Variants in DBNDD2 observed in about 807,000 individuals in gnomAD.
DBNDD2 encodes dysbindin domain containing 2.
In DBNDD2, 8 loss-of-function variants were observed where a neutral mutation model predicts 14.0. The observed-to-expected ratio is 0.57, with a 90% CI of 0.33 to 1.03. The LOEUF (loss-of-function observed/expected upper bound fraction) is 1.03. Ranked by LOEUF, DBNDD2 falls within the 50% of genes least tolerant of loss-of-function variation. The probability of loss-of-function intolerance (pLI) is 0.03; values close to 1 mark genes in which losing one functional copy is unlikely to be tolerated. For synonymous variants in DBNDD2, 94 were observed against 85.3 expected (o/e 1.10, Z -0.56); for missense variants, 194 against 206.0 (o/e 0.94, Z 0.36).
upstream of DBNDD2, chr20:45,407,288 C>T: frequency 1.0e-6 from 1 of 984,542 alleles, no homozygotes. Context: ...CGCCAGCCCG[C>T]GGCCGCACGG....
upstream of DBNDD2, chr20:45,406,483 A>G: frequency 6.5e-7 from 1 of 1,527,754 alleles, no homozygotes; most frequent in South Asian, 1.2e-5. Flanking sequence ...ACCGCCTTGG[A>G]AGTACCAGTA....
At chr20:45,408,763 C>T (rs749722750) in intron 1 of DBNDD2, 38 bp from the exon 2 acceptor site, 1 of 1,602,116 alleles carries the variant, frequency 6.2e-7, no homozygotes, top group Non-Finnish European at 8.6e-7. Flanking sequence ...TGGTGTGCAG[C>T]TTGGGTCCTC....
upstream of DBNDD2, chr20:45,406,825 C>G (rs773795794): frequency 1.7e-4 from 207 of 1,216,272 alleles, no homozygotes; most frequent in Non-Finnish European, 2.0e-4. Flanking sequence ...AGCGCCCTCC[C>G]CCCGTCCTCC....
chr20:45,406,000 C>G (rs1263793747), upstream of DBNDD2: 1 of 154,248 alleles, frequency 6.5e-6, no homozygotes, highest in African/African-American at 2.4e-5. Flanking sequence ...CGGCCCGGCG[C>G]CCACCCCGCC....
chr20:45,406,529 G>A (rs975367185), upstream of DBNDD2: 13 of 1,520,680 alleles, frequency 8.5e-6, no homozygotes, highest in South Asian at 1.2e-5. Flanking sequence ...ACCGCCGGGC[G>A]AGCTGCGAGC....
Position 45,408,802 on chromosome 20 carries a change from C to T in DBNDD2, c.141C>T (p.Pro47=). 1 of 1,613,814 alleles carries T rather than the reference C, an allele frequency of 6.2e-7. No homozygotes were observed. Among genetic ancestry groups the T allele is most frequent in the Non-Finnish European group, 8.5e-7 (1 of 1,179,690 alleles). ...LSHLHLESQR[P]PIGSISSMEV... is the part of the protein sequence containing the mutation. The stretch of plus-strand genomic sequence containing the variant: ...ACTTGCCCACTTCTTGATCCGCAGC[C>T]CCCATAGGTAGTATCTCATCCATGG... The change falls in exon 2 of 3, where the codon CCC becomes CCT. Residue 47 remains proline (P), a splice_region_variant and synonymous_variant. Coordinates refer to ENST00000372710, the MANE Select transcript of DBNDD2 (RefSeq NM_001048225.4).
chr20:45,407,248 G>C (rs1600784753), upstream of DBNDD2: 1 of 912,896 alleles, frequency 1.1e-6, no homozygotes, highest in East Asian at 1.2e-4. Context: ...GCCTTTCCCG[G>C]GAATCGGCGT....
upstream of DBNDD2, chr20:45,408,168 A>G (rs1284398268): frequency 1.9e-6 from 3 of 1,547,058 alleles, no homozygotes; most frequent in Non-Finnish European, 2.6e-6. Flanking sequence ...TGATATGGAG[A>G]GTTGGGCATT....
chr20:45,408,075 G>A, upstream of DBNDD2: 17 of 1,470,622 alleles, frequency 1.2e-5, 1 homozygote, highest in South Asian at 2.4e-4. Flanking sequence ...CTGGCCTTCT[G>A]AGGCAAGCGG....
Position 45,410,020 on chromosome 20 carries a change from C to G in DBNDD2, c.366C>G (p.Asp122Glu), listed in dbSNP as rs2743273. Residue 122 changes from aspartate (D) to glutamate (E), a missense_variant, in exon 3 of 3, where the codon GAC becomes GAG. Transcript: ENST00000372710. ...TSRTSSSSSS[D>E]SSTNLHSPNP... is the part of the protein sequence containing the mutation. The stretch of plus-strand genomic sequence containing the variant: ...GGACCTCCTCCTCCTCCTCCTCCGA[C>G]TCCTCCACCAACCTGCATAGCCCAA... 9.0e-6 allele frequency: 14 copies of G among 1,552,356 alleles called. No homozygotes were observed. Among genetic ancestry groups the G allele is most frequent in the Admixed American group, 2.0e-5 (1 of 51,058 alleles).
upstream of DBNDD2, chr20:45,406,875 C>T (rs1568935773): frequency 8.9e-7 from 1 of 1,128,916 alleles, no homozygotes; most frequent in Non-Finnish European, 1.1e-6. Flanking sequence ...TTTTTTCCCT[C>T]TTGCTGGCTC....
upstream of DBNDD2, chr20:45,406,388 C>T: frequency 7.0e-7 from 1 of 1,428,314 alleles, no homozygotes; most frequent in South Asian, 1.3e-5. Context: ...CGAGCGGAGA[C>T]TAGCGCACCG....
upstream of DBNDD2, chr20:45,408,243 A>G: frequency 6.4e-7 from 1 of 1,551,128 alleles, no homozygotes; most frequent in Non-Finnish European, 8.7e-7. Context: ...CCCTTTGTGG[A>G]GCTTAGGGCA....
chr20:45,408,228 GCAT>G (rs1407717260), upstream of DBNDD2: 1 of 1,551,054 alleles, frequency 6.4e-7, no homozygotes, highest in Non-Finnish European at 8.7e-7. Context: ...CCTGGAACTG[GCAT>G]CCCCTTTGTG....
At chr20:45,408,035 T>G, upstream of DBNDD2, 1 of 1,439,010 alleles carries the variant, frequency 6.9e-7, no homozygotes, top group Non-Finnish European at 9.1e-7. Flanking sequence ...CCCTCCACCC[T>G]GAGATCTCTG....
At position 45,409,139 on chromosome 20, in the gene DBNDD2, A is replaced by G. The variant is rs1031065698; in HGVS notation, c.277+201A>G. On this transcript the variant is annotated intron_variant, in intron 2 of 2. Coordinates refer to ENST00000372710, the MANE Select transcript of DBNDD2 (RefSeq NM_001048225.4). ...AACTGGGTTACACATCTCTAATCCA[A>G]AATTCTGGGAACGGTCAATCTCTTC... 8.2e-6 allele frequency: 7 copies of G among 858,706 alleles called. No individual in the cohort carries two copies. The African/African-American group carries it at 1.2e-4, about 15-fold the overall frequency. 53.2% of individuals were successfully genotyped at this position (858,706 alleles called of 1,614,324 possible).
At chr20:45,406,507 G>A, upstream of DBNDD2, 1 of 1,526,176 alleles carries the variant, frequency 6.6e-7, no homozygotes. Flanking sequence ...GCGCTCGCAG[G>A]GGCTGCCTCC....
upstream of DBNDD2, chr20:45,408,209 C>T (rs2145415306): frequency 6.4e-7 from 1 of 1,551,136 alleles, no homozygotes; most frequent in East Asian, 2.4e-5. Context: ...GAGTATCTCT[C>T]TTGTGGTGCC....
At chr20:45,408,116 A>G, upstream of DBNDD2, 1 of 1,498,016 alleles carries the variant, frequency 6.7e-7, no homozygotes, top group Non-Finnish European at 8.9e-7. Context: ...TACCTCCTCC[A>G]TTTGTGCTGA....
Sources: gnomAD v4.1 joint callset for allele counts on GRCh38, gnomAD v4.1.1 for gene constraint, MANE v1.5 for transcripts, NCBI Gene and HGNC (gene_info 2026-07-23, HGNC 2026-07-21) for gene names.